The following NPTX2 variants were observed in gnomAD, a reference collection of about 807,000 sequenced individuals.
NPTX2 encodes neuronal pentraxin 2, also known as neuronal pentraxin-2.
Under a neutral mutation model 38.1 loss-of-function variants are expected in NPTX2, and 23 were observed. The observed-to-expected ratio is 0.60, with a 90% confidence interval of 0.43 to 0.85. The LOEUF (loss-of-function observed/expected upper bound fraction) is 0.85. Among genes scored for constraint, NPTX2 ranks in the 40% least tolerant of loss-of-function variants. NPTX2 has a pLI of 0.00. For synonymous variants in NPTX2, 291 were observed against 287.3 expected (o/e 1.01, Z -0.13); for missense variants, 553 against 615.3 (o/e 0.90, Z 1.07).
At chr7:98,626,383 G>A (rs924606354) in intron 3 of NPTX2, among the ~76,000 whole-genome samples, 11 of 151,990 alleles carry the variant, frequency 7.2e-5, no homozygotes, top group African/African-American at 2.7e-4. Context: ...ACTGCCCTGG[G>A]TGGAGTCTGT....
Position 98,621,951 on chromosome 7 carries a change from T to A in NPTX2, c.643+2092T>A, listed in dbSNP as rs997257153. On this transcript the variant is annotated intron_variant, in intron 2 of 4. Coordinates refer to ENST00000265634, the MANE Select transcript of NPTX2 (RefSeq NM_002523.3). ...GCCCCAGCCCTGCTGCGTCGGAGGC[T>A]CCTTGGAGCCCCCAGCAAGCGCCTG... 3.9e-5 allele frequency among the ~76,000 whole-genome samples: 6 copies of A among 152,288 alleles called. No homozygotes were observed. The East Asian group carries it at 1.2e-3, about 29-fold the overall frequency.
Position 98,625,013 on chromosome 7 carries a change from T to G in NPTX2, c.735T>G (p.Pro245=), listed in dbSNP as rs1791325535. The change falls in exon 3 of 5, where the codon CCT becomes CCG. Residue 245 remains proline, a synonymous_variant. Coordinates refer to ENST00000265634, the MANE Select transcript of NPTX2 (RefSeq NM_002523.3). ...ACGGCAAGATCAAGAAGACGCTGCC[T>G]GAGCTGTACGCCTTCACCATCTGCC... ...YLYGKIKKTL[P]ELYAFTICLW... The G allele has an allele frequency of 1.9e-6, 3 of 1,613,792 alleles. No homozygotes were observed. The highest frequency in any genetic ancestry group is 2.5e-6 in the Non-Finnish European group (3 of 1,180,034).
At chr7:98,624,377 G>A (rs1791312266) in intron 2 of NPTX2, among the ~76,000 whole-genome samples, 1 of 152,180 alleles carries the variant, frequency 6.6e-6, no homozygotes. Context: ...ATAGGTGTGA[G>A]CCACTGCACC....
chr7:98,619,681 C>T lies in NPTX2; in HGVS notation c.465C>T (p.Pro155=), dbSNP rs200511330. Residue 155 remains proline, a synonymous_variant, in exon 2 of 5, where the codon CCC becomes CCT. Coordinates refer to ENST00000265634, the MANE Select transcript of NPTX2 (RefSeq NM_002523.3). The part of the protein sequence containing the change: ...LRANVSNAGL[P]GDFREVLQQR... ...CAAACGTGTCCAATGCTGGGCTGCC[C>T]GGCGACTTCCGCGAGGTGCTCCAGC... 5.8e-5 allele frequency: 93 copies of T among 1,613,358 alleles called. No homozygotes were observed. Among genetic ancestry groups the T allele is most frequent in the Middle Eastern group, 1.6e-4 (1 of 6,062 alleles).
At chr7:98,623,375 G>A (rs1241038748) in intron 2 of NPTX2, among the ~76,000 whole-genome samples, 1 of 152,202 alleles carries the variant, frequency 6.6e-6, no homozygotes, top group Non-Finnish European at 1.5e-5. Flanking sequence ...GGCTGCCTTG[G>A]AAATATTGTA....
intron 1 of NPTX2, among the ~76,000 whole-genome samples, chr7:98,618,868 CT>C (rs1184173790): frequency 6.6e-6 from 1 of 151,954 alleles, no homozygotes; most frequent in Non-Finnish European, 1.5e-5. Flanking sequence ...TGTATATCCC[CT>C]GATTCATTGT....
intron 3 of NPTX2, among the ~76,000 whole-genome samples, chr7:98,626,545 TA>T (rs1433187105): frequency 6.6e-6 from 1 of 152,172 alleles, no homozygotes; most frequent in Admixed American, 6.5e-5. Context: ...GGACGGCTTG[TA>T]AACATCGAAT....
chr7:98,629,084 T>A lies in NPTX2; in HGVS notation c.*455T>A, dbSNP rs1000474776. On this transcript the variant is annotated 3_prime_UTR_variant, in exon 5 of 5. Transcript: ENST00000265634. ...CCTTGTGCATTGAGTGCATCCCCGC[T>A]GGTGACTAAGCTCGCAGCAAGCGGC... 6.4e-6 allele frequency: 1 copy of A among 155,292 alleles called. No individual in the cohort carries two copies. Among genetic ancestry groups the A allele is most frequent in the Admixed American group, 6.5e-5 (1 of 15,422 alleles). The allele number at this position is 155,292 out of a possible 1,614,324, so 9.6% of individuals were successfully genotyped here.
At chr7:98,618,653 G>A (rs1415962686) in intron 1 of NPTX2, among the ~76,000 whole-genome samples, 1 of 142,612 alleles carries the variant, frequency 7.0e-6, no homozygotes, top group African/African-American at 2.6e-5. Context: ...GAAAATGCGT[G>A]CAGTTTGGAA....
Position 98,628,830 on chromosome 7 carries a change from G to A in NPTX2, c.*201G>A, listed in dbSNP as rs1173387975. On this transcript the variant is annotated 3_prime_UTR_variant, in exon 5 of 5. Transcript: ENST00000265634. ...TACCAATATTCTGTTGCTGTTTGAA[G>A]TAGTGCCAGGGTCCCCTGGGAAGAT... 2.2e-6 allele frequency: 1 copy of A among 445,182 alleles called. No homozygotes were observed. The highest frequency in any genetic ancestry group is 4.0e-6 in the Non-Finnish European group (1 of 252,094). The allele number at this position is 445,182 out of a possible 1,614,324, so 27.6% of individuals were successfully genotyped here. A position where few individuals can be genotyped will look rare whatever the true frequency, so the allele number is the denominator to read the frequency against.
intron 2 of NPTX2, among the ~76,000 whole-genome samples, chr7:98,621,850 C>T (rs1202632503): frequency 6.6e-6 from 1 of 152,206 alleles, no homozygotes. Context: ...ACATTGCCAG[C>T]AGATTGCAGA....
chr7:98,618,460 A>G (rs1191882987), intron 1 of NPTX2, among the ~76,000 whole-genome samples: 1 of 151,870 alleles, frequency 6.6e-6, no homozygotes, highest in Non-Finnish European at 1.5e-5. Context: ...TTAGAGGGGC[A>G]ACCTCTGGTT....
At position 98,628,672 on chromosome 7, in the gene NPTX2, C is replaced by A; in HGVS notation, c.*43C>A. On this transcript the variant is annotated 3_prime_UTR_variant, in exon 5 of 5. Coordinates refer to ENST00000265634, the MANE Select transcript of NPTX2 (RefSeq NM_002523.3). ...CAGGAGGCCGGGATCAGGCTGTTGC[C>A]ATGGAAGTTCAGGGCCATAGACTGC... 1.0e-6 allele frequency: 1 copy of A among 971,520 alleles called. No individual in the cohort carries two copies. Among genetic ancestry groups the A allele is most frequent in the South Asian group, 1.6e-5 (1 of 61,444 alleles). The allele number at this position is 971,520 out of a possible 1,614,324, so 60.2% of individuals were successfully genotyped here. A position where few individuals can be genotyped will look rare whatever the true frequency, so the allele number is the denominator to read the frequency against.
Position 98,629,639 on chromosome 7 carries a change from T to C in NPTX2, c.*1010T>C, listed in dbSNP as rs1791411645. 6.6e-6 allele frequency: 1 copy of C among 152,578 alleles called. No individual in the cohort carries two copies. Among genetic ancestry groups the C allele is most frequent in the African/African-American group, 2.4e-5 (1 of 41,442 alleles). 9.5% of individuals were successfully genotyped at this position (152,578 alleles called of 1,614,324 possible). The stretch of plus-strand genomic sequence containing the variant: ...TTTGGCTAGAGATTGTCTGAGTGAC[T>C]CCAAGCTACTCACTGTATTGGACGG... On this transcript the variant is annotated 3_prime_UTR_variant, in exon 5 of 5. Coordinates refer to ENST00000265634, the MANE Select transcript of NPTX2 (RefSeq NM_002523.3).
chr7:98,627,355 G>A lies in NPTX2; in HGVS notation c.1068+11G>A, dbSNP rs1319989734. ...CTTGGACAAGAGCAGGTGGGTGCAG[G>A]GCAGGTGCAGGTGGGCACAGGGTGG... On this transcript the variant is annotated intron_variant, in intron 4 of 4. Coordinates refer to ENST00000265634, the MANE Select transcript of NPTX2 (RefSeq NM_002523.3). The A allele has an allele frequency of 1.2e-6, 2 of 1,611,560 alleles. No homozygotes were observed. The highest frequency in any genetic ancestry group is 1.7e-6 in the Non-Finnish European group (2 of 1,179,110).
intron 2 of NPTX2, among the ~76,000 whole-genome samples, chr7:98,623,206 C>T (rs996257374): frequency 6.6e-5 from 10 of 152,248 alleles, no homozygotes; most frequent in African/African-American, 2.2e-4. Context: ...GAGTGAAGGG[C>T]GTTTAGATTC....
intron 3 of NPTX2, among the ~76,000 whole-genome samples, chr7:98,626,368 A>G (rs1791350878): frequency 6.6e-6 from 1 of 150,688 alleles, no homozygotes; most frequent in African/African-American, 2.4e-5. Flanking sequence ...GTTTGTCCTC[A>G]CTGAACTGCC....
chr7:98,617,325 A>G lies in NPTX2; in HGVS notation c.-137A>G, dbSNP rs1216648340. 45 of 287,504 alleles carry G rather than the reference A, an allele frequency of 1.6e-4. No individual in the cohort carries two copies. Among genetic ancestry groups the G allele is most frequent in the Admixed American group, 2.1e-4 (4 of 19,264 alleles). 17.8% of individuals were successfully genotyped at this position (287,504 alleles called of 1,614,324 possible). On this transcript the variant is annotated 5_prime_UTR_variant, in exon 1 of 5. Transcript: ENST00000265634. ...GCGGTGGGTGCGGCTGTGAGACGGC[A>G]GGAGACTTCTGCCCCGCGGTGCACG...
intron 2 of NPTX2, among the ~76,000 whole-genome samples, chr7:98,623,134 G>T (rs1269134777): frequency 6.6e-6 from 1 of 152,210 alleles, no homozygotes; most frequent in Non-Finnish European, 1.5e-5. Context: ...GAGCCCGCCT[G>T]TCTCTGATGG....
Sources: gnomAD v4.1 joint callset for allele counts (sites outside exome capture counted in the v4.1 genomes callset) on GRCh38, gnomAD v4.1.1 for gene constraint, MANE v1.5 for transcripts, NCBI Gene and HGNC (gene_info 2026-07-23, HGNC 2026-07-21) for gene names.